Variants in ZNF318 observed in about 807,000 individuals in gnomAD.
ZNF318 encodes the protein zinc finger protein 318.
In ZNF318, 51 loss-of-function variants were observed where a neutral mutation model predicts 124.2. The observed-to-expected ratio is 0.41, with a 90% CI of 0.33 to 0.52. ZNF318 has a LOEUF of 0.52. Ranked by LOEUF, ZNF318 falls within the 20% of genes least tolerant of loss-of-function variation. The pLI is 0.23. For synonymous variants in ZNF318, 1,090 were observed against 1,040.7 expected (o/e 1.05, Z -0.91); for missense variants, 2,815 against 2,811.2 (o/e 1.00, Z -0.03).
chr6:43,337,449 T>C lies in ZNF318; in HGVS notation c.6549A>G (p.Gln2183=), dbSNP rs775211983. 86 of 1,614,196 alleles carry C rather than the reference T, an allele frequency of 5.3e-5. No homozygotes were observed. In the East Asian group the frequency reaches 1.3e-3, roughly 25 times the overall value. Reference sequence around the variant, plus strand: ...AGAGTGGAGAACACAGTTTATCTTTTTGAACTCCAGAGGTCCGTGTGACAA... The same window carrying C: ...AGAGTGGAGAACACAGTTTATCTTTCTGAACTCCAGAGGTCCGTGTGACAA... ...VDFVTRTSGV[Q]KDKLCSPLSE... Residue 2183 remains glutamine, a synonymous_variant, in exon 10 of 10, where the codon CAA becomes CAG. Coordinates refer to ENST00000361428, the MANE Select transcript of ZNF318 (RefSeq NM_014345.3).
Position 43,339,543 on chromosome 6 carries a change from A to T in ZNF318, c.4455T>A (p.Thr1485=). Residue 1485 remains threonine, a synonymous_variant, in exon 10 of 10, where the codon ACT becomes ACA. Transcript: ENST00000361428. This position sits in a 1 kb window ranked among gnomAD's most constrained non-coding sequence, Gnocchi z 4.2. ...TAGGACCCACGAAGCCAGGGCTGAG[A>T]GTCTGAGATACAACTGGGTTTGATT... The part of the protein sequence containing the change: ...PVKSNPVVSQ[T]LSPGFVGPNI... 8 of 1,613,526 alleles carry T rather than the reference A, an allele frequency of 5.0e-6. No homozygotes were observed. The highest frequency in any genetic ancestry group is 6.8e-6 in the Non-Finnish European group (8 of 1,179,942).
chr6:43,346,068 G>A (rs1779436223), intron 6 of ZNF318, among the ~76,000 whole-genome samples: 1 of 151,080 alleles, frequency 6.6e-6, no homozygotes, highest in South Asian at 2.1e-4. Flanking sequence ...GGGTGTGGTG[G>A]CACACGCCTG....
At chr6:43,366,298 G>C (rs995704658) in intron 1 of ZNF318, among the ~76,000 whole-genome samples, 2 of 152,116 alleles carry the variant, frequency 1.3e-5, no homozygotes, top group Non-Finnish European at 2.9e-5. Flanking sequence ...TGACAGAAGA[G>C]GAAAAGATAG....
At chr6:43,359,593 C>T (rs905487436) in intron 2 of ZNF318, among the ~76,000 whole-genome samples, 26 of 152,140 alleles carry the variant, frequency 1.7e-4, no homozygotes, top group African/African-American at 6.3e-4. Context: ...CTAGTAGCTA[C>T]TTTTGTTGTG....
At chr6:43,348,965 C>T (rs974613511) in intron 5 of ZNF318, among the ~76,000 whole-genome samples, 7 of 152,050 alleles carry the variant, frequency 4.6e-5, no homozygotes, top group Non-Finnish European at 1.0e-4. Context: ...ACTCAGGGGG[C>T]GGAGCTTGCA....
At chr6:43,348,247 G>C (rs1185635782) in intron 6 of ZNF318, 77 bp downstream of exon 6, 1 of 1,405,954 alleles carries the variant, frequency 7.1e-7, no homozygotes, top group Non-Finnish European at 9.7e-7. Flanking sequence ...GAAAACCTAA[G>C]TTAAGAAAAT....
In ZNF318 at chr6:43,340,479, T is replaced by C. The variant is rs1779359749; in HGVS notation, c.3519A>G (p.Leu1173=). The C allele has an allele frequency of 4.4e-6, 7 of 1,604,110 alleles. No individual in the cohort carries two copies. The highest frequency in any genetic ancestry group is 3.4e-5 in the South Asian group (3 of 88,648). The change falls in exon 10 of 10, where the codon TTA becomes TTG. Residue 1173 remains leucine, a synonymous_variant. Coordinates refer to ENST00000361428, the MANE Select transcript of ZNF318 (RefSeq NM_014345.3). ...GGTCCAGATTCCGCCGCTCCTCATA[T>C]AATGGGTTTTCATCCACATATTTCT... The part of the protein sequence containing the change: ...KYKKYVDENP[L]YEERRNLDRQ...
intron 1 of ZNF318, 101 bp downstream of exon 1, chr6:43,368,866 C>T: frequency 4.0e-6 from 5 of 1,244,692 alleles, no homozygotes; most frequent in Non-Finnish European, 5.0e-6. Context: ...AGGCTTCGCG[C>T]TTAGGACCCT....
chr6:43,343,004 C>T, intron 6 of ZNF318, 125 bp from the exon 7 acceptor site: 1 of 784,982 alleles, frequency 1.3e-6, no homozygotes, highest in Admixed American at 2.9e-5. Context: ...ATGTTTAAAG[C>T]TGCACAAGTT....
In ZNF318 at chr6:43,352,186, C is replaced by T. The variant is rs866412173; in HGVS notation, c.2770+191G>A. Among the ~76,000 whole-genome samples, 13 of 99,980 alleles carry T rather than the reference C, an allele frequency of 1.3e-4. No homozygotes were observed. In the East Asian group the frequency reaches 2.6e-3, roughly 20 times the overall value. 65.6% of individuals were successfully genotyped at this position (99,980 alleles called of 152,430 possible). Reference sequence around the variant, plus strand: ...ATCATCATCATCATCATCATCATCACCACCACCATCATCTGGGAGAAGAGT... The same window carrying T: ...ATCATCATCATCATCATCATCATCATCACCACCATCATCTGGGAGAAGAGT... On this transcript the variant is annotated intron_variant, in intron 5 of 9. Coordinates refer to ENST00000361428, the MANE Select transcript of ZNF318 (RefSeq NM_014345.3).
At chr6:43,349,741 A>G (rs1779500856) in intron 5 of ZNF318, among the ~76,000 whole-genome samples, 9 of 152,130 alleles carry the variant, frequency 5.9e-5, no homozygotes. Flanking sequence ...GCATAAAGAA[A>G]TGGAATAAAA....
chr6:43,355,006 C>A lies in ZNF318; in HGVS notation c.2328G>T (p.Pro776=). Residue 776 remains proline, a synonymous_variant, in exon 4 of 10, where the codon CCG becomes CCT. Coordinates refer to ENST00000361428, the MANE Select transcript of ZNF318 (RefSeq NM_014345.3). ...ASQFAAARIP[P]NYQGPAIPPA... The stretch of plus-strand genomic sequence containing the variant: ...GGGGAATGGCAGGTCCCTGGTAGTT[C>A]GGAGGTATCCGAGCTGCAGCAAACT... 6.2e-7 allele frequency: 1 copy of A among 1,611,488 alleles called. No individual in the cohort carries two copies. Among genetic ancestry groups the A allele is most frequent in the Non-Finnish European group, 8.5e-7 (1 of 1,178,574 alleles).
rs1343822730 is a variant in ZNF318, at chr6:43,368,950, AC to A, written c.399+16del. The stretch of plus-strand genomic sequence containing the variant: ...GACTGGGGGATGGAGGGAGTCCTGG[AC>A]GAGGGGTGGGATTACCCGGCTGCCG... On this transcript the variant is annotated intron_variant, in intron 1 of 9. Coordinates refer to ENST00000361428, the MANE Select transcript of ZNF318 (RefSeq NM_014345.3). 2 of 1,378,954 alleles carry A rather than the reference AC, an allele frequency of 1.5e-6. No homozygotes were observed. Among genetic ancestry groups the A allele is most frequent in the Non-Finnish European group, 1.9e-6 (2 of 1,063,594 alleles). 85.4% of individuals were successfully genotyped at this position (1,378,954 alleles called of 1,614,324 possible). A position where few individuals can be genotyped will look rare whatever the true frequency, so the allele number is the denominator to read the frequency against.
chr6:43,359,667 C>T (rs1016887951), intron 2 of ZNF318, among the ~76,000 whole-genome samples: 2 of 152,072 alleles, frequency 1.3e-5, no homozygotes, highest in East Asian at 3.9e-4. Flanking sequence ...TGAGACTATG[C>T]CAGCAGAATC....
At chr6:43,359,774 T>C (rs1779657473) in intron 2 of ZNF318, among the ~76,000 whole-genome samples, 1 of 152,196 alleles carries the variant, frequency 6.6e-6, no homozygotes, top group South Asian at 2.1e-4. Context: ...CAAACTTTAT[T>C]TACCTTCTCT....
chr6:43,354,886 A>G lies in ZNF318; in HGVS notation c.2448T>C (p.Pro816=). 1 of 1,613,990 alleles carries G rather than the reference A, an allele frequency of 6.2e-7. No homozygotes were observed. Among genetic ancestry groups the G allele is most frequent in the Non-Finnish European group, 8.5e-7 (1 of 1,179,854 alleles). The change falls in exon 4 of 10, where the codon CCT becomes CCC. Residue 816 remains proline, a synonymous_variant. Transcript: ENST00000361428. The part of the protein sequence containing the change: ...PTSQPSNHPV[P]EPHRIMPITK... ...TTATTGGCATTATCCTGTGTGGTTC[A>G]GGTACAGGGTGGTTTGACGGTTGAG...
chr6:43,368,401 T>C (rs190261802), intron 1 of ZNF318, among the ~76,000 whole-genome samples: 3 of 152,172 alleles, frequency 2.0e-5, no homozygotes, highest in Non-Finnish European at 2.9e-5. Context: ...ATTCCTGACA[T>C]AGAACTCGAT....
At position 43,357,486 on chromosome 6, in the gene ZNF318, A is replaced by G. The variant is rs940069583; in HGVS notation, c.828T>C (p.Tyr276=). 8 of 1,614,060 alleles carry G rather than the reference A, an allele frequency of 5.0e-6. No homozygotes were observed. Among genetic ancestry groups the G allele is most frequent in the East Asian group, 4.5e-5 (2 of 44,904 alleles). ...TGCTGTTTATCTTCACTGTGTCATC[A>G]TAACGGGGTCTTTTGGCCTCCCGGC... ...ERSREAKRPR[Y]DDTVKINSMG... is the part of the protein sequence containing the mutation. Residue 276 remains tyrosine, a synonymous_variant, in exon 3 of 10, where the codon TAT becomes TAC. Transcript: ENST00000361428.
chr6:43,368,890 CG>C (rs1779796344), intron 1 of ZNF318, 76 bp downstream of exon 1: 13 of 1,268,712 alleles, frequency 1.0e-5, no homozygotes, highest in Non-Finnish European at 1.3e-5. Context: ...CTGGAGGCCC[CG>C]GGCGTTTCTG....
Sources: allele counts gnomAD v4.1 joint callset (sites outside exome capture counted in the v4.1 genomes callset), GRCh38; gene constraint gnomAD v4.1.1; non-coding constraint Gnocchi (gnomAD v3.1); transcripts MANE v1.5; gene names NCBI Gene and HGNC (gene_info 2026-07-23, HGNC 2026-07-21).